Variants in ZNRF1 observed in about 807,000 individuals in gnomAD.
ZNRF1 encodes zinc and ring finger 1.
A neutral mutation model predicts 18.4 loss-of-function variants in ZNRF1; 3 were observed. The ratio of observed to expected loss-of-function variants is 0.16; its 90% CI spans 0.07 to 0.42. The LOEUF (loss-of-function observed/expected upper bound fraction) is 0.42, where lower values mean the gene tolerates loss of function less well. Ranked by LOEUF, ZNRF1 falls within the 10% of genes least tolerant of loss-of-function variation. The pLI is 0.99. For synonymous variants in ZNRF1, 157 were observed against 144.2 expected, an observed-to-expected ratio of 1.09 and a Z score of -0.64; for missense variants, 310 against 329.8, an observed-to-expected ratio of 0.94 and a Z score of 0.47.
In ZNRF1 at chr16:75,064,696, C is replaced by T. The variant is rs76592417; in HGVS notation, c.425-28876C>T. Among the ~76,000 whole-genome samples the T allele has an allele frequency of 7.3e-4, 111 of 152,304 alleles. 2 individuals are homozygous for T. The East Asian group carries it at 0.016, about 22-fold the overall frequency. On this transcript the variant is annotated intron_variant, in intron 1 of 4. Coordinates refer to ENST00000335325, the MANE Select transcript of ZNRF1 (RefSeq NM_032268.5). Reference sequence around the variant, plus strand: ...GGGCTGCCGCTGTGGTTTTTTCTTCCTCCTACTCACTTGCCCCACTCCATG... The same window carrying T: ...GGGCTGCCGCTGTGGTTTTTTCTTCTTCCTACTCACTTGCCCCACTCCATG...
intron 1 of ZNRF1, among the ~76,000 whole-genome samples, chr16:75,026,655 GCCAGGCGCAGTGGCTCAC>G (rs2035227865): frequency 6.6e-6 from 1 of 152,060 alleles, no homozygotes; most frequent in Non-Finnish European, 1.5e-5. Flanking sequence ...AATATTTCTG[GCCAGGCGCAGTGGCTCAC>G]CCCTGTAATC....
rs562162653 is a variant in ZNRF1 at position 75,007,035 on chromosome 16, G to A, written c.424+6940G>A. On this transcript the variant is annotated intron_variant, in intron 1 of 4. Transcript: ENST00000335325. The stretch of plus-strand genomic sequence containing the variant: ...GAAGACCAGCCCTCAAGTGTGAAGT[G>A]TGAAGCAAATAACCAAGTTTAATCT... Among the ~76,000 whole-genome samples the A allele has an allele frequency of 2.6e-5, 4 of 151,078 alleles. No individual in the cohort carries two copies. The East Asian group carries it at 7.8e-4, about 29-fold the overall frequency.
chr16:75,032,027 TAGC>T (rs1009640738), intron 1 of ZNRF1, among the ~76,000 whole-genome samples: 1 of 151,954 alleles, frequency 6.6e-6, no homozygotes, highest in Non-Finnish European at 1.5e-5. Flanking sequence ...TATTTGATAA[TAGC>T]AGTCATAGTG....
At chr16:75,099,433 G>T (rs886707695) in intron 2 of ZNRF1, among the ~76,000 whole-genome samples, 1 of 151,994 alleles carries the variant, frequency 6.6e-6, no homozygotes, top group Non-Finnish European at 1.5e-5. Flanking sequence ...TCCTGTTTCA[G>T]CTCCAGGGCC....
chr16:75,025,458 C>T (rs565768265), intron 1 of ZNRF1, among the ~76,000 whole-genome samples: 1 of 152,152 alleles, frequency 6.6e-6, no homozygotes, highest in South Asian at 2.1e-4. Flanking sequence ...CCTGACTATC[C>T]CCCCAAAATT....
intron 1 of ZNRF1, among the ~76,000 whole-genome samples, chr16:75,078,579 G>A (rs759026238): frequency 3.1e-4 from 47 of 152,080 alleles, no homozygotes; most frequent in Admixed American, 1.9e-3. Context: ...GATTACAGGC[G>A]TGAGCCACCA....
Position 75,091,972 on chromosome 16 carries a change from A to G in ZNRF1, c.425-1600A>G, listed in dbSNP as rs565553140. ...AATGTATTATATACTGTATTACAAT[A>G]AGGAGAGAGAAAATAAAATGTTATT... On this transcript the variant is annotated intron_variant, in intron 1 of 4. Coordinates refer to ENST00000335325, the MANE Select transcript of ZNRF1 (RefSeq NM_032268.5). Among the ~76,000 whole-genome samples the G allele has an allele frequency of 2.8e-3, 432 of 152,240 alleles. 2 individuals carry two copies. The highest frequency in any genetic ancestry group is 6.8e-3 in the Middle Eastern group (2 of 294).
chr16:75,052,800 T>G (rs1219037984), intron 1 of ZNRF1, among the ~76,000 whole-genome samples: 1 of 152,212 alleles, frequency 6.6e-6, no homozygotes, highest in Non-Finnish European at 1.5e-5. Flanking sequence ...CCTCCATCGA[T>G]CTGTCTGTCC....
chr16:75,043,392 T>C (rs926804532), intron 1 of ZNRF1, among the ~76,000 whole-genome samples: 1 of 152,226 alleles, frequency 6.6e-6, no homozygotes, highest in African/African-American at 2.4e-5. Context: ...ATTTTTTCTC[T>C]TTCTTGTAAA....
At chr16:75,094,897 G>C (rs1158283364) in intron 2 of ZNRF1, among the ~76,000 whole-genome samples, 3 of 152,128 alleles carry the variant, frequency 2.0e-5, no homozygotes, top group African/African-American at 7.2e-5. Flanking sequence ...TCATAGTAGT[G>C]GTTGGAAAAA....
At chr16:75,068,402 G>T (rs988048788) in intron 1 of ZNRF1, among the ~76,000 whole-genome samples, 4 of 151,980 alleles carry the variant, frequency 2.6e-5, no homozygotes, top group Admixed American at 6.6e-5. Flanking sequence ...CCTGGCCAGG[G>T]TCTCAGTTTG....
intron 1 of ZNRF1, among the ~76,000 whole-genome samples, chr16:75,060,098 G>C (rs2035723133): frequency 6.6e-6 from 1 of 152,010 alleles, no homozygotes; most frequent in Non-Finnish European, 1.5e-5. Context: ...CTCTTGCCCA[G>C]GCTGGAGTGC....
At chr16:75,044,610 C>T (rs914506703) in intron 1 of ZNRF1, among the ~76,000 whole-genome samples, 1 of 151,926 alleles carries the variant, frequency 6.6e-6, no homozygotes, top group African/African-American at 2.4e-5. Context: ...AAGCGATCCT[C>T]CTGCCTCATA....
At chr16:75,014,923 A>T (rs2035047904) in intron 1 of ZNRF1, among the ~76,000 whole-genome samples, 1 of 151,972 alleles carries the variant, frequency 6.6e-6, no homozygotes, top group African/African-American at 2.4e-5. Flanking sequence ...TTAATATTGT[A>T]TGTTTAATCA....
chr16:75,066,978 G>A (rs1239939224), intron 1 of ZNRF1, among the ~76,000 whole-genome samples: 2 of 152,254 alleles, frequency 1.3e-5, no homozygotes, highest in East Asian at 1.9e-4. Flanking sequence ...TCTGCCAAGC[G>A]TTTTTGGCTT....
At chr16:75,089,612 T>A (rs1040676156) in intron 1 of ZNRF1, among the ~76,000 whole-genome samples, 1 of 152,186 alleles carries the variant, frequency 6.6e-6, no homozygotes, top group Non-Finnish European at 1.5e-5. Flanking sequence ...GGACTTTAGA[T>A]TTGAAGCAGA....
intron 1 of ZNRF1, among the ~76,000 whole-genome samples, chr16:75,067,135 G>C (rs1261515360): frequency 1.3e-5 from 2 of 152,202 alleles, no homozygotes; most frequent in Admixed American, 6.5e-5. Context: ...ATCTGTTTAT[G>C]TGTACATTTT....
At chr16:75,027,915 T>C (rs2035248271) in intron 1 of ZNRF1, among the ~76,000 whole-genome samples, 1 of 152,226 alleles carries the variant, frequency 6.6e-6, no homozygotes, top group Non-Finnish European at 1.5e-5. Flanking sequence ...TTCTCCTCTC[T>C]TTTAAAAACA....
intron 1 of ZNRF1, among the ~76,000 whole-genome samples, chr16:75,016,605 G>A (rs1021543748): frequency 6.6e-6 from 1 of 151,230 alleles, no homozygotes; most frequent in African/African-American, 2.4e-5. Flanking sequence ...GCCTGATCTC[G>A]ACTGACTGCA....
Sources: gnomAD v4.1 joint callset for allele counts (sites outside exome capture counted in the v4.1 genomes callset) on GRCh38, gnomAD v4.1.1 for gene constraint, MANE v1.5 for transcripts, NCBI Gene and HGNC (gene_info 2026-07-23, HGNC 2026-07-21) for gene names.